The following PPP6C variants were observed in gnomAD, a reference collection of about 807,000 sequenced individuals.
PPP6C encodes protein phosphatase 6 catalytic subunit.
PPP6C carries 11 observed loss-of-function variants against 39.8 expected under a neutral mutation model. That is an observed-to-expected ratio of 0.28 (90% CI 0.17 to 0.46). The LOEUF is 0.46. PPP6C is among the 20% of genes least tolerant of loss of function. PPP6C has a pLI of 1.00. For synonymous variants in PPP6C, 129 were observed against 130.3 expected (o/e 0.99, Z 0.07); for missense variants, 211 against 373.9 (o/e 0.56, Z 3.59).
At chr9:125,181,117 A>G (rs1290054854) in intron 1 of PPP6C, among the ~76,000 whole-genome samples, 8 of 152,268 alleles carry the variant, frequency 5.3e-5, no homozygotes, top group African/African-American at 1.4e-4. Flanking sequence ...GCACACAAAA[A>G]TAAGAAGTCT....
At chr9:125,163,153 C>T (rs986686363) in intron 2 of PPP6C, among the ~76,000 whole-genome samples, 1 of 151,786 alleles carries the variant, frequency 6.6e-6, no homozygotes, top group African/African-American at 2.4e-5. Context: ...AAGTGAATAT[C>T]TTAAATTAAG....
intron 6 of PPP6C, chr9:125,151,222 A>AAAGAACGG: frequency 1.3e-6 from 2 of 1,510,836 alleles, no homozygotes; most frequent in Non-Finnish European, 1.8e-6. Flanking sequence ...CTTGATTCAC[A>AAAGAACGG]AAGAAGGCCA....
At position 125,149,565 on chromosome 9, in the gene PPP6C, G is replaced by A; in HGVS notation, c.*108C>T. ...TTTAAAAAAAAAAAGGCAAGAGGCAGCATTTCAGCAGCAAAGTGCTCAATA... is the reference window on the plus strand; with the variant it reads ...TTTAAAAAAAAAAAGGCAAGAGGCAACATTTCAGCAGCAAAGTGCTCAATA... On this transcript the variant is annotated 3_prime_UTR_variant, in exon 7 of 7. Coordinates refer to ENST00000373547, the MANE Select transcript of PPP6C (RefSeq NM_002721.5). The A allele has an allele frequency of 3.2e-6, 4 of 1,248,158 alleles. No individual in the cohort carries two copies. Among genetic ancestry groups the A allele is most frequent in the Non-Finnish European group, 4.4e-6 (4 of 915,688 alleles). 77.3% of individuals were successfully genotyped at this position (1,248,158 alleles called of 1,614,324 possible). A position where few individuals can be genotyped will look rare whatever the true frequency, so the allele number is the denominator to read the frequency against.
rs975053766 is a variant in PPP6C, at chr9:125,148,338, T to C, written c.*1335A>G. The C allele has an allele frequency of 5.3e-5, 8 of 152,142 alleles. No homozygotes were observed. Among genetic ancestry groups the C allele is most frequent in the African/African-American group, 1.7e-4 (7 of 41,422 alleles). 9.4% of individuals were successfully genotyped at this position (152,142 alleles called of 1,614,324 possible). A position where few individuals can be genotyped will look rare whatever the true frequency, so the allele number is the denominator to read the frequency against. On this transcript the variant is annotated 3_prime_UTR_variant, in exon 7 of 7. Transcript: ENST00000373547. ...AAGGGATACCAACTATTTCACAAAA[T>C]GTACATTCCAACATCATTTATGACT... is the stretch of plus-strand genomic sequence containing the variant.
intron 6 of PPP6C, among the ~76,000 whole-genome samples, chr9:125,152,785 G>T (rs1425559660): frequency 1.3e-5 from 2 of 150,948 alleles, no homozygotes; most frequent in African/African-American, 4.9e-5. Context: ...AGCCGAGATT[G>T]CACCATTGTA....
At position 125,147,950 on chromosome 9, in the gene PPP6C, G is replaced by C. The variant is rs1038923546; in HGVS notation, c.*1723C>G. On this transcript the variant is annotated 3_prime_UTR_variant, in exon 7 of 7. Transcript: ENST00000373547. ...TACCTTTCCACCTGAATTACACTGGGATCAGGGCAGTAACACGAAGCTACT... is the reference window on the plus strand; with the variant it reads ...TACCTTTCCACCTGAATTACACTGGCATCAGGGCAGTAACACGAAGCTACT... 5.4e-6 allele frequency: 1 copy of C among 186,144 alleles called. No homozygotes were observed. Among genetic ancestry groups the C allele is most frequent in the Non-Finnish European group, 1.1e-5 (1 of 88,754 alleles). The allele number at this position is 186,144 out of a possible 1,614,324, so 11.5% of individuals were successfully genotyped here. A position where few individuals can be genotyped will look rare whatever the true frequency, so the allele number is the denominator to read the frequency against.
intron 3 of PPP6C, among the ~76,000 whole-genome samples, chr9:125,159,341 G>A (rs895247512): frequency 1.0e-4 from 15 of 150,696 alleles, no homozygotes; most frequent in Admixed American, 9.3e-4. Flanking sequence ...GAGCCACTGC[G>A]CCCGGCCAAG....
At chr9:125,171,498 T>A (rs1163760505) in intron 1 of PPP6C, among the ~76,000 whole-genome samples, 1 of 99,306 alleles carries the variant, frequency 1.0e-5, no homozygotes, top group Admixed American at 9.4e-5. Flanking sequence ...TATATATATA[T>A]ATATATATAT....
At chr9:125,182,219 T>C (rs1352256289) in intron 1 of PPP6C, among the ~76,000 whole-genome samples, 1 of 152,214 alleles carries the variant, frequency 6.6e-6, no homozygotes, top group African/African-American at 2.4e-5. Flanking sequence ...AGTTCCCTCT[T>C]GCCCTCACAA....
intron 1 of PPP6C, among the ~76,000 whole-genome samples, chr9:125,184,754 C>T (rs1829490339): frequency 6.6e-6 from 1 of 151,924 alleles, no homozygotes; most frequent in Admixed American, 6.6e-5. Context: ...GGGCGGATCA[C>T]CTGAGGCCAG....
chr9:125,164,108 AT>A (rs1304923192), intron 2 of PPP6C, among the ~76,000 whole-genome samples: 2 of 150,870 alleles, frequency 1.3e-5, no homozygotes, highest in Admixed American at 6.6e-5. Context: ...AAATGCTAGG[AT>A]TACAGGCATG....
At chr9:125,186,949 T>C (rs999753529) in intron 1 of PPP6C, among the ~76,000 whole-genome samples, 1 of 138,126 alleles carries the variant, frequency 7.2e-6, no homozygotes, top group African/African-American at 2.8e-5. Flanking sequence ...TTTTTTTTTT[T>C]TTTTTTTTTT....
chr9:125,166,439 C>T (rs1344819770), intron 2 of PPP6C, among the ~76,000 whole-genome samples: 2 of 152,006 alleles, frequency 1.3e-5, no homozygotes, highest in African/African-American at 2.4e-5. Context: ...TAAATAATCA[C>T]AGTTTGTCAG....
chr9:125,152,814 G>A (rs1835982553), intron 6 of PPP6C, among the ~76,000 whole-genome samples: 1 of 150,578 alleles, frequency 6.6e-6, no homozygotes. Flanking sequence ...TGGGCAACAT[G>A]AGCGAAACTC....
intron 6 of PPP6C, among the ~76,000 whole-genome samples, chr9:125,152,948 G>C (rs1317286359): frequency 6.6e-6 from 1 of 151,274 alleles, no homozygotes; most frequent in African/African-American, 2.4e-5. Flanking sequence ...TCTTGGTCTT[G>C]CCATTTTGTT....
At chr9:125,170,829 A>T (rs947533096) in intron 2 of PPP6C, among the ~76,000 whole-genome samples, 1 of 152,178 alleles carries the variant, frequency 6.6e-6, no homozygotes, top group Non-Finnish European at 1.5e-5. Context: ...CAACCCCACC[A>T]TTCCACAGAA....
At chr9:125,154,087 A>C in intron 4 of PPP6C, 102 bp from the exon 5 acceptor site, 1 of 876,468 alleles carries the variant, frequency 1.1e-6, no homozygotes, top group East Asian at 2.5e-5. Flanking sequence ...AATTCAGCTT[A>C]AACTAGGATA....
chr9:125,174,772 A>G (rs1829259449), intron 1 of PPP6C, among the ~76,000 whole-genome samples: 1 of 152,022 alleles, frequency 6.6e-6, no homozygotes, highest in Non-Finnish European at 1.5e-5. Flanking sequence ...TAAGCTGGTC[A>G]GTAGAGGCAC....
In PPP6C at chr9:125,161,841, G is replaced by A. The variant is rs555375108; in HGVS notation, c.172-935C>T. On this transcript the variant is annotated intron_variant, in intron 2 of 6. Transcript: ENST00000373547. Reference sequence around the variant, plus strand: ...ACCCTAGCCCTAATTTCCAAAGAAAGCATTACAGTTTTTCTGGAAGAAAAA... The same window carrying A: ...ACCCTAGCCCTAATTTCCAAAGAAAACATTACAGTTTTTCTGGAAGAAAAA... Among the ~76,000 whole-genome samples, 7 of 152,202 alleles carry A rather than the reference G, an allele frequency of 4.6e-5. No homozygotes were observed. In the South Asian group the frequency reaches 1.4e-3, roughly 32 times the overall value.
Sources: gnomAD v4.1 joint callset for allele counts (sites outside exome capture counted in the v4.1 genomes callset) on GRCh38, gnomAD v4.1.1 for gene constraint, MANE v1.5 for transcripts, NCBI Gene and HGNC (gene_info 2026-07-23, HGNC 2026-07-21) for gene names.